Variants in POU6F2 observed in about 807,000 individuals in gnomAD.
POU6F2 encodes POU domain, class 6, transcription factor 2.
In POU6F2, 31 loss-of-function variants were observed where a neutral mutation model predicts 71.3. The ratio of observed to expected loss-of-function variants is 0.43; its 90% CI spans 0.33 to 0.59. POU6F2 has a LOEUF of 0.59. Ranked by LOEUF, POU6F2 falls within the 20% of genes least tolerant of loss-of-function variation. The pLI is 0.04. For missense variants in POU6F2, 783 were observed against 856.8 expected (o/e 0.91, Z 1.07); for synonymous variants, 347 against 355.7 (o/e 0.98, Z 0.27).
intron 1 of POU6F2, among the ~76,000 whole-genome samples, chr7:39,072,833 C>A (rs1012577915): frequency 6.6e-6 from 1 of 152,192 alleles, no homozygotes; most frequent in African/African-American, 2.4e-5. Flanking sequence ...TTATTAGCAA[C>A]CATGATGAGG....
At chr7:39,308,981 C>A (rs923864112) in intron 4 of POU6F2, among the ~76,000 whole-genome samples, 1 of 152,258 alleles carries the variant, frequency 6.6e-6, no homozygotes, top group Non-Finnish European at 1.5e-5. Flanking sequence ...CGCAGCCACA[C>A]GCAGAGACAC....
intron 2 of POU6F2, among the ~76,000 whole-genome samples, chr7:39,102,546 A>G (rs12670510): frequency 0.27 from 40,369 of 151,954 alleles, 5,644 homozygotes; most frequent in East Asian, 0.56. Context: ...ATCCACACTT[A>G]GCCAATATTT....
intron 1 of POU6F2, among the ~76,000 whole-genome samples, chr7:39,084,022 T>C (rs532972413): frequency 2.0e-5 from 3 of 152,282 alleles, no homozygotes; most frequent in Non-Finnish European, 2.9e-5. Flanking sequence ...GGATGAGAAA[T>C]GTCAGCATTA....
At chr7:39,423,098 A>G (rs1448760801) in intron 6 of POU6F2, among the ~76,000 whole-genome samples, 1 of 152,234 alleles carries the variant, frequency 6.6e-6, no homozygotes, top group Admixed American at 6.5e-5. Flanking sequence ...TCCAGCAGCA[A>G]ACACATCTGA....
chr7:39,188,015 C>A (rs1793581694), intron 2 of POU6F2, among the ~76,000 whole-genome samples: 1 of 152,208 alleles, frequency 6.6e-6, no homozygotes, highest in Non-Finnish European at 1.5e-5. Context: ...CCTTCTTTAT[C>A]ATGACCATTT....
intron 5 of POU6F2, among the ~76,000 whole-genome samples, chr7:39,367,052 G>A (rs1002827892): frequency 2.0e-5 from 3 of 151,920 alleles, no homozygotes; most frequent in Non-Finnish European, 4.4e-5. Flanking sequence ...CCTGAAGAGG[G>A]GCAATATTTT....
At chr7:39,228,384 G>A (rs1376693105) in intron 4 of POU6F2, among the ~76,000 whole-genome samples, 6 of 152,154 alleles carry the variant, frequency 3.9e-5, no homozygotes, top group Non-Finnish European at 8.8e-5. Context: ...TTTTCTTGAA[G>A]TAGAAAGCAC....
At chr7:39,174,395 G>T (rs1793286816) in intron 2 of POU6F2, among the ~76,000 whole-genome samples, 1 of 152,118 alleles carries the variant, frequency 6.6e-6, no homozygotes, top group African/African-American at 2.4e-5. Flanking sequence ...TTTTTATATT[G>T]TGGGTGTGAT....
chr7:39,250,933 T>C (rs1783904662), intron 4 of POU6F2, among the ~76,000 whole-genome samples: 1 of 152,242 alleles, frequency 6.6e-6, no homozygotes, highest in African/African-American at 2.4e-5. Flanking sequence ...TTCATGTTTT[T>C]GCTTTGCGTC....
intron 5 of POU6F2, among the ~76,000 whole-genome samples, chr7:39,405,563 C>A (rs1235575762): frequency 6.6e-6 from 1 of 152,028 alleles, no homozygotes; most frequent in African/African-American, 2.4e-5. Context: ...TTGAGAGAAA[C>A]TATATGGGGA....
chr7:39,465,323 T>TG lies in POU6F2; in HGVS notation c.*637_*638insG, dbSNP rs1482135080. On this transcript the variant is annotated 3_prime_UTR_variant, in exon 10 of 10. Transcript: ENST00000518318. ...CTAACAGAACAATAGGAAGCCTGAT[T>TG]TCTCCCATCTTTCCCATCTACTGTC... is the stretch of plus-strand genomic sequence containing the variant. 1 of 152,306 alleles carries TG rather than the reference T, an allele frequency of 6.6e-6. No individual in the cohort carries two copies. Among genetic ancestry groups the TG allele is most frequent in the African/African-American group, 2.4e-5 (1 of 41,450 alleles). The allele number at this position is 152,306 out of a possible 1,614,324, so 9.4% of individuals were successfully genotyped here.
intron 4 of POU6F2, among the ~76,000 whole-genome samples, chr7:39,319,770 C>T (rs1785347539): frequency 6.6e-6 from 1 of 152,220 alleles, no homozygotes; most frequent in Non-Finnish European, 1.5e-5. Context: ...AAACCAGCTC[C>T]ATGGAAGCCT....
rs188437833 is a variant in POU6F2, at chr7:38,992,484, C to T, written c.105+14426C>T. On this transcript the variant is annotated intron_variant, in intron 1 of 9. Coordinates refer to ENST00000518318, the MANE Select transcript of POU6F2 (RefSeq NM_001370959.1). ...GAAGTCATAATGTTGAATCTTAAAA[C>T]GTGAAGAGGGGACACGAGGTTCTTT... is the stretch of plus-strand genomic sequence containing the variant. 1.5e-3 allele frequency among the ~76,000 whole-genome samples: 223 copies of T among 152,206 alleles called. 1 individual carries two copies. The highest frequency in any genetic ancestry group is 4.2e-3 in the African/African-American group (176 of 41,542).
intron 4 of POU6F2, among the ~76,000 whole-genome samples, chr7:39,334,734 T>C (rs933950368): frequency 1.4e-4 from 21 of 152,204 alleles, no homozygotes; most frequent in African/African-American, 4.8e-4. Context: ...TGGGCATGTG[T>C]GGATGTTCCA....
chr7:39,016,838 G>A lies in POU6F2; in HGVS notation c.105+38780G>A, dbSNP rs1219732255. On this transcript the variant is annotated intron_variant, in intron 1 of 9. Transcript: ENST00000518318. ...CCTGCAGCTGAAAGGAATGTGGCAC[G>A]TCCAGTTTAAGGGACTTGAAGAAGG... 2.6e-5 allele frequency among the ~76,000 whole-genome samples: 4 copies of A among 152,286 alleles called. No homozygotes were observed. In the East Asian group the frequency reaches 5.8e-4, roughly 22 times the overall value.
At chr7:39,264,792 G>A (rs1784209430) in intron 4 of POU6F2, among the ~76,000 whole-genome samples, 1 of 152,128 alleles carries the variant, frequency 6.6e-6, no homozygotes, top group African/African-American at 2.4e-5. Context: ...ACATATATGT[G>A]TGTACAGATA....
chr7:39,146,801 A>T (rs144645665), intron 2 of POU6F2, among the ~76,000 whole-genome samples: 25 of 152,330 alleles, frequency 1.6e-4, no homozygotes, highest in African/African-American at 5.8e-4. Context: ...CCAAGGTCAC[A>T]CTACATATTC....
intron 5 of POU6F2, among the ~76,000 whole-genome samples, chr7:39,388,736 A>G (rs1055324676): frequency 3.3e-5 from 5 of 152,192 alleles, no homozygotes; most frequent in Admixed American, 6.5e-5. Flanking sequence ...AAAAGTCTTT[A>G]TTTTGCTGTC....
At chr7:39,046,860 T>A (rs1351980697) in intron 1 of POU6F2, among the ~76,000 whole-genome samples, 2 of 151,960 alleles carry the variant, frequency 1.3e-5, no homozygotes, top group Non-Finnish European at 2.9e-5. Context: ...TGGTCTATTT[T>A]GAGTTTATTT....
Sources: gnomAD v4.1 joint callset for allele counts (sites outside exome capture counted in the v4.1 genomes callset) on GRCh38, gnomAD v4.1.1 for gene constraint, MANE v1.5 for transcripts, NCBI Gene and HGNC (gene_info 2026-07-23, HGNC 2026-07-21) for gene names.